Variants in SPIRE1 observed in about 807,000 individuals in gnomAD.
The protein encoded by SPIRE1 is spire type actin nucleation factor 1.
In SPIRE1, 40 loss-of-function variants were observed where a neutral mutation model predicts 94.1. The observed-to-expected ratio is 0.43, with a 90% CI of 0.33 to 0.55. The LOEUF (loss-of-function observed/expected upper bound fraction) is 0.55. Among genes scored for constraint, SPIRE1 ranks in the 20% least tolerant of loss-of-function variants. The pLI, the probability that SPIRE1 is intolerant of heterozygous loss-of-function variation, is 0.06. For missense variants in SPIRE1, 838 were observed against 975.2 expected, an observed-to-expected ratio of 0.86 and a Z score of 1.87; for synonymous variants, 376 against 371.7, an observed-to-expected ratio of 1.01 and a Z score of -0.13.
At chr18:12,541,678 GCTTT>G (rs1203547166) in intron 3 of SPIRE1, among the ~76,000 whole-genome samples, 2 of 151,890 alleles carry the variant, frequency 1.3e-5, no homozygotes, top group South Asian at 2.1e-4. Context: ...TTTTACTCAA[GCTTT>G]CTATGTCCTA....
chr18:12,470,797 G>A (rs944600188), intron 10 of SPIRE1, among the ~76,000 whole-genome samples: 2 of 151,940 alleles, frequency 1.3e-5, no homozygotes, highest in African/African-American at 4.8e-5. Flanking sequence ...CCTGCTTCCC[G>A]AAATCTGCTT....
intron 9 of SPIRE1, among the ~76,000 whole-genome samples, chr18:12,482,024 A>G (rs2032861520): frequency 6.6e-6 from 1 of 152,184 alleles, no homozygotes; most frequent in Non-Finnish European, 1.5e-5. Context: ...TTATCATAAT[A>G]AGAGAAACAC....
intron 4 of SPIRE1, among the ~76,000 whole-genome samples, chr18:12,513,833 A>AT (rs941409311): frequency 1.3e-5 from 2 of 150,994 alleles, no homozygotes; most frequent in Non-Finnish European, 3.0e-5. Flanking sequence ...TGAAATATTT[A>AT]TTTTTAAGAT....
In SPIRE1 at chr18:12,653,946, C is replaced by CA. The variant is rs548852325; in HGVS notation, c.337+3583dup. Among the ~76,000 whole-genome samples the CA allele has an allele frequency of 3.6e-3, 432 of 120,920 alleles. 3 individuals are homozygous for CA. The highest frequency in any genetic ancestry group is 0.019 in the South Asian group (70 of 3,768). The allele number at this position is 120,920 out of a possible 152,430, so 79.3% of individuals were successfully genotyped here. On this transcript the variant is annotated intron_variant, in intron 1 of 16. Coordinates refer to ENST00000409402, the MANE Select transcript of SPIRE1 (RefSeq NM_001128626.2). ...GGGCAACAAGAGCAAAACTCCGTCT[C>CA]AAAAAAAAAAAAGAAAGAAAGAAAC...
At chr18:12,591,010 C>T (rs1394525806) in intron 2 of SPIRE1, among the ~76,000 whole-genome samples, 4 of 152,090 alleles carry the variant, frequency 2.6e-5, no homozygotes, top group African/African-American at 4.8e-5. Flanking sequence ...AACATACATT[C>T]TAGAAGAGGG....
At chr18:12,615,345 A>AAAAAT in intron 2 of SPIRE1, among the ~76,000 whole-genome samples, 2 of 17,238 alleles carry the variant, frequency 1.2e-4, no homozygotes, top group Non-Finnish European at 1.9e-4. Context: ...AAAAAAAAAA[A>AAAAAT]ATATATATAT....
intron 10 of SPIRE1, among the ~76,000 whole-genome samples, chr18:12,478,865 C>T (rs1367195982): frequency 6.6e-6 from 1 of 152,032 alleles, no homozygotes; most frequent in Non-Finnish European, 1.5e-5. Context: ...TCCCTCTCCA[C>T]AAGGGGCAGT....
At chr18:12,495,471 T>C (rs1363468750) in intron 7 of SPIRE1, among the ~76,000 whole-genome samples, 1 of 152,222 alleles carries the variant, frequency 6.6e-6, no homozygotes, top group East Asian at 1.9e-4. Flanking sequence ...TCCAGTAATA[T>C]ATTTAGCTGT....
upstream of SPIRE1, chr18:12,661,448 C>T: frequency 3.3e-6 from 2 of 605,646 alleles, no homozygotes; most frequent in Non-Finnish European, 4.1e-6. Context: ...AATAACAGCA[C>T]TGTCCCATTT....
At chr18:12,579,807 T>G (rs2036208814) in intron 2 of SPIRE1, among the ~76,000 whole-genome samples, 1 of 152,152 alleles carries the variant, frequency 6.6e-6, no homozygotes, top group South Asian at 2.1e-4. Flanking sequence ...GGACTAGAAC[T>G]GCTTTGGAAA....
chr18:12,468,952 T>C (rs1485769113), intron 10 of SPIRE1, among the ~76,000 whole-genome samples: 1 of 151,936 alleles, frequency 6.6e-6, no homozygotes, highest in Non-Finnish European at 1.5e-5. Context: ...TGGTCCTAGC[T>C]ACTTGGGAGG....
At chr18:12,452,166 A>C (rs1315205689) in intron 16 of SPIRE1, 89 bp downstream of exon 16, 14 of 1,517,994 alleles carry the variant, frequency 9.2e-6, no homozygotes, top group Middle Eastern at 2.4e-4. Flanking sequence ...AAACCCCTCG[A>C]GCCAAAACCC....
chr18:12,587,218 T>C (rs746648801), intron 2 of SPIRE1, among the ~76,000 whole-genome samples: 2 of 152,170 alleles, frequency 1.3e-5, no homozygotes, highest in Non-Finnish European at 2.9e-5. Flanking sequence ...GGGATGATTA[T>C]ATACAGAATA....
At chr18:12,462,597 T>C (rs1455971482) in intron 12 of SPIRE1, among the ~76,000 whole-genome samples, 1 of 152,070 alleles carries the variant, frequency 6.6e-6, no homozygotes, top group African/African-American at 2.4e-5. Context: ...TATAAACCAG[T>C]TCAACCAAAA....
intron 2 of SPIRE1, among the ~76,000 whole-genome samples, chr18:12,623,158 CA>C (rs1252220355): frequency 9.6e-6 from 1 of 103,782 alleles, no homozygotes; most frequent in Non-Finnish European, 2.4e-5. Context: ...AACAAATATA[CA>C]TTTTTTTTTT....
intron 2 of SPIRE1, among the ~76,000 whole-genome samples, chr18:12,595,048 C>T (rs114562580): frequency 0.027 from 4,100 of 152,174 alleles, 191 homozygotes; most frequent in African/African-American, 0.093. Flanking sequence ...GAGGCCAATG[C>T]GGGATAACTG....
At chr18:12,558,920 G>A (rs1226239527) in intron 2 of SPIRE1, among the ~76,000 whole-genome samples, 2 of 152,154 alleles carry the variant, frequency 1.3e-5, no homozygotes, top group African/African-American at 2.4e-5. Context: ...TACAAACCTT[G>A]AGCTAGACAC....
chr18:12,447,203 T>TAA lies in SPIRE1; in HGVS notation c.*2434_*2435insTT, dbSNP rs942888916. ...ATGAGAGCAGGGATGATGGTTCAGATACGCACACATGCTCTAAGACACATC... is the reference window on the plus strand; with the variant it reads ...ATGAGAGCAGGGATGATGGTTCAGATAAACGCACACATGCTCTAAGACACATC... On this transcript the variant is annotated 3_prime_UTR_variant, in exon 17 of 17. Transcript: ENST00000409402. 23 of 152,158 alleles carry TAA rather than the reference T, an allele frequency of 1.5e-4. No individual in the cohort carries two copies. The highest frequency in any genetic ancestry group is 1.0e-4 in the Non-Finnish European group (7 of 68,064). The allele number at this position is 152,158 out of a possible 1,614,324, so 9.4% of individuals were successfully genotyped here.
At chr18:12,572,633 A>T (rs2035985345) in intron 2 of SPIRE1, among the ~76,000 whole-genome samples, 1 of 152,218 alleles carries the variant, frequency 6.6e-6, no homozygotes, top group Non-Finnish European at 1.5e-5. Flanking sequence ...AAAAATTGTT[A>T]AAAAAATTTT....
Sources: allele counts gnomAD v4.1 joint callset (sites outside exome capture counted in the v4.1 genomes callset), GRCh38; gene constraint gnomAD v4.1.1; transcripts MANE v1.5; gene names NCBI Gene and HGNC (gene_info 2026-07-23, HGNC 2026-07-21).